HIP1: variants seen among roughly 807,000 people sequenced by gnomAD.
HIP1 encodes the protein huntingtin-interacting protein 1.
Under a neutral mutation model 147.6 loss-of-function variants are expected in HIP1, and 65 were observed. The ratio of observed to expected loss-of-function variants is 0.44; its 90% CI spans 0.36 to 0.54. HIP1 has a LOEUF of 0.54. HIP1 is among the 20% of genes least tolerant of loss of function. The pLI, the probability that HIP1 is intolerant of heterozygous loss-of-function variation, is 0.00. For synonymous variants in HIP1, 479 were observed against 504.0 expected (o/e 0.95, Z 0.67); for missense variants, 1,061 against 1,299.6 (o/e 0.82, Z 2.82).
intron 1 of HIP1, among the ~76,000 whole-genome samples, chr7:75,729,363 T>C (rs190601273): frequency 6.8e-6 from 1 of 148,084 alleles, no homozygotes; most frequent in African/African-American, 2.5e-5. Flanking sequence ...AGCACATACC[T>C]GTAGTCCCAG....
intron 1 of HIP1, among the ~76,000 whole-genome samples, chr7:75,630,352 G>C (rs587738307): frequency 4.6e-5 from 7 of 151,780 alleles, no homozygotes; most frequent in Non-Finnish European, 8.8e-5. Context: ...CCAACTACTC[G>C]GGAGGCTGAG....
At chr7:75,610,299 C>G (rs782663697) in intron 1 of HIP1, among the ~76,000 whole-genome samples, 9 of 151,244 alleles carry the variant, frequency 6.0e-5, no homozygotes, top group Admixed American at 4.6e-4. Context: ...GCCTTGAACG[C>G]CTGTGCTCAA....
intron 1 of HIP1, among the ~76,000 whole-genome samples, chr7:75,634,181 G>A (rs186179530): frequency 6.6e-6 from 1 of 152,150 alleles, no homozygotes; most frequent in Admixed American, 6.5e-5. Flanking sequence ...GATTGCTTGA[G>A]CCTAGGAGTT....
chr7:75,553,339 T>A (rs892771467), intron 22 of HIP1, 114 bp downstream of exon 22: 199 of 1,295,562 alleles, frequency 1.5e-4, no homozygotes, highest in Non-Finnish European at 2.0e-4. Flanking sequence ...CTTTCTAGAA[T>A]CAAGTTCTAA....
At chr7:75,557,810 G>A (rs1795074539) in intron 15 of HIP1, 40 bp from the exon 16 acceptor site, 1 of 1,445,592 alleles carries the variant, frequency 6.9e-7, no homozygotes, top group Non-Finnish European at 9.7e-7. Flanking sequence ...GGAGATCCCA[G>A]GCTTAGAGGA....
chr7:75,537,795 A>G lies in HIP1; in HGVS notation c.*377T>C. 1 of 284,366 alleles carries G rather than the reference A, an allele frequency of 3.5e-6. No individual in the cohort carries two copies. The highest frequency in any genetic ancestry group is 6.7e-6 in the Non-Finnish European group (1 of 150,126). The allele number at this position is 284,366 out of a possible 1,614,324, so 17.6% of individuals were successfully genotyped here. Reference sequence around the variant, plus strand: ...TCCCTTTCCAAGCTGTCAACAAACAACAAGCAGCTCCTCTATTAAGGATAC... The same window carrying G: ...TCCCTTTCCAAGCTGTCAACAAACAGCAAGCAGCTCCTCTATTAAGGATAC... On this transcript the variant is annotated 3_prime_UTR_variant, in exon 31 of 31. Coordinates refer to ENST00000336926, the MANE Select transcript of HIP1 (RefSeq NM_005338.7).
At chr7:75,682,497 C>T (rs766375686) in intron 1 of HIP1, among the ~76,000 whole-genome samples, 105 of 151,364 alleles carry the variant, frequency 6.9e-4, no homozygotes, top group Non-Finnish European at 1.2e-3. Context: ...TGGGCTTAAG[C>T]CATCCTTCTG....
rs141650156 is a variant in HIP1 at position 75,650,609 on chromosome 7, C to T, written c.121-51362G>A. Reference sequence around the variant, plus strand: ...CTGGAATTACAGGTGCACACCACCACGCCCATCTAATTTGTGTATTTTTAG... The same window carrying T: ...CTGGAATTACAGGTGCACACCACCATGCCCATCTAATTTGTGTATTTTTAG... On this transcript the variant is annotated intron_variant, in intron 1 of 30. Coordinates refer to ENST00000336926, the MANE Select transcript of HIP1 (RefSeq NM_005338.7). 3.2e-4 allele frequency among the ~76,000 whole-genome samples: 48 copies of T among 152,198 alleles called. No homozygotes were observed. In the East Asian group the frequency reaches 7.0e-3, roughly 22 times the overall value.
intron 1 of HIP1, among the ~76,000 whole-genome samples, chr7:75,669,819 C>T (rs548731130): frequency 1.4e-4 from 21 of 152,042 alleles, no homozygotes; most frequent in Non-Finnish European, 2.8e-4. Context: ...TATTTATTTA[C>T]GAGACAGAGT....
In HIP1 at chr7:75,561,390, A is replaced by G. The variant is rs367560239; in HGVS notation, c.1130T>C (p.Ile377Thr). Residue 377 changes from isoleucine to threonine, a missense_variant, in exon 13 of 31, where the codon ATT becomes ACT. Physicochemically the swap from Ile to Thr is moderately conservative, Grantham distance 89. Around this residue, in one of 3 missense-constraint regions of HIP1, gnomAD observed 810 missense variants for 946.8 expected, o/e 0.86. Transcript: ENST00000336926. The part of the protein sequence containing the change: ...GVNKDEKDHL[I>T]ERLYREISGL... ...ACTGATCTCTCTGTATAGTCGCTCA[A>G]TTAAGTGGTCCCTGGGAAGAGAAGG... The G allele has an allele frequency of 1.7e-5, 27 of 1,611,866 alleles. No individual in the cohort carries two copies. Among genetic ancestry groups the G allele is most frequent in the East Asian group, 2.2e-5 (1 of 44,886 alleles).
intron 1 of HIP1, among the ~76,000 whole-genome samples, chr7:75,723,959 G>A (rs1314495845): frequency 6.7e-6 from 1 of 149,024 alleles, no homozygotes; most frequent in Non-Finnish European, 1.5e-5. Context: ...TAGAGAGAGA[G>A]AGAGAGAGAG....
At chr7:75,704,979 C>T (rs1259787593) in intron 1 of HIP1, among the ~76,000 whole-genome samples, 2 of 152,146 alleles carry the variant, frequency 1.3e-5, no homozygotes, top group Non-Finnish European at 2.9e-5. Flanking sequence ...AGTACAAATG[C>T]GTTTTACTTT....
chr7:75,620,137 C>T (rs1318606546), intron 1 of HIP1, among the ~76,000 whole-genome samples: 5 of 152,162 alleles, frequency 3.3e-5, no homozygotes, highest in Admixed American at 2.6e-4. Flanking sequence ...GTAATCCCAG[C>T]GCTTTGGGAG....
chr7:75,562,012 G>A (rs1433828755), intron 12 of HIP1, 61 bp downstream of exon 12: 2 of 954,374 alleles, frequency 2.1e-6, no homozygotes, highest in African/African-American at 1.6e-5. Context: ...TTAGTGTTTT[G>A]AGGCAGACCA....
chr7:75,698,087 G>A (rs868913913), intron 1 of HIP1, among the ~76,000 whole-genome samples: 4 of 152,050 alleles, frequency 2.6e-5, no homozygotes, highest in African/African-American at 7.3e-5. Context: ...GCTAGGTGCC[G>A]GGATTATAGG....
At chr7:75,596,622 G>C (rs1458415476) in intron 2 of HIP1, among the ~76,000 whole-genome samples, 1 of 152,138 alleles carries the variant, frequency 6.6e-6, no homozygotes, top group African/African-American at 2.4e-5. Flanking sequence ...CTGACCTCAG[G>C]TCATCCATCC....
In HIP1 at chr7:75,540,721, T is replaced by C. The variant is rs587687463; in HGVS notation, c.2952+1198A>G. On this transcript the variant is annotated intron_variant, in intron 29 of 30. Coordinates refer to ENST00000336926, the MANE Select transcript of HIP1 (RefSeq NM_005338.7). ...GTTATTCTAGAAAAACTATGTCAAT[T>C]TTTTTTTAAAGGATCTCGCTGATAC... Among the ~76,000 whole-genome samples, 3 of 151,768 alleles carry C rather than the reference T, an allele frequency of 2.0e-5. No homozygotes were observed. The East Asian group carries it at 5.8e-4, about 29-fold the overall frequency.
chr7:75,556,875 T>C (rs1327153819), intron 16 of HIP1, 64 bp from the exon 17 acceptor site: 1 of 1,008,950 alleles, frequency 9.9e-7, no homozygotes, highest in Non-Finnish European at 1.6e-6. Flanking sequence ...TATAAAAATG[T>C]AAAAACGTCC....
intron 1 of HIP1, among the ~76,000 whole-genome samples, chr7:75,612,614 G>C (rs1554505255): frequency 1.3e-5 from 2 of 151,922 alleles, no homozygotes; most frequent in Non-Finnish European, 2.9e-5. Context: ...TTCAAGACCA[G>C]CCTGACCAAC....
Sources: gnomAD v4.1 joint callset for allele counts (sites outside exome capture counted in the v4.1 genomes callset) on GRCh38, gnomAD v4.1.1 for gene constraint, gnomAD v4.1.1 regional missense constraint, MANE v1.5 for transcripts, NCBI Gene and HGNC (gene_info 2026-07-23, HGNC 2026-07-21) for gene names.